ZNF383: variants seen among roughly 807,000 people sequenced by gnomAD.
ZNF383 encodes the protein zinc finger protein 383.
Under a neutral mutation model 44.2 loss-of-function variants are expected in ZNF383, and 32 were observed. That is an observed-to-expected ratio of 0.72 (90% CI 0.55 to 0.97). The LOEUF (loss-of-function observed/expected upper bound fraction) is 0.97. Among genes scored for constraint, ZNF383 ranks in the 50% least tolerant of loss-of-function variants. ZNF383 has a pLI of 0.00. For missense variants in ZNF383, 487 were observed against 562.5 expected (o/e 0.87, Z 1.36); for synonymous variants, 155 against 186.2 (o/e 0.83, Z 1.36).
chr19:37,240,492 G>C (rs1388889671), intron 5 of ZNF383, among the ~76,000 whole-genome samples: 1 of 152,186 alleles, frequency 6.6e-6, no homozygotes, highest in Non-Finnish European at 1.5e-5. Context: ...TTGGCAGTCA[G>C]CTCTCATCAA....
chr19:37,227,396 G>A (rs777619877), intron 2 of ZNF383, among the ~76,000 whole-genome samples: 2 of 152,202 alleles, frequency 1.3e-5, no homozygotes, highest in East Asian at 1.9e-4. Flanking sequence ...TTACAGGCAT[G>A]AGCCACCGCG....
intron 2 of ZNF383, among the ~76,000 whole-genome samples, chr19:37,228,988 T>G (rs1973317736): frequency 6.6e-6 from 1 of 152,128 alleles, no homozygotes; most frequent in South Asian, 2.1e-4. Context: ...AAAGACTCTA[T>G]CACAGTGTGG....
rs1157245477 is a variant in ZNF383 at position 37,243,249 on chromosome 19, A to G, written c.1013A>G (p.Tyr338Cys). 3 of 1,614,004 alleles carry G rather than the reference A, an allele frequency of 1.9e-6. No homozygotes were observed. Among genetic ancestry groups the G allele is most frequent in the Middle Eastern group, 1.6e-4 (1 of 6,084 alleles). The change falls in exon 6 of 6, where the codon TAT (tyrosine) becomes TGT (cysteine). Residue 338 changes from tyrosine to cysteine, a missense_variant. By Grantham distance (194) the Tyr-to-Cys change is radical. Coordinates refer to ENST00000684119, the MANE Select transcript of ZNF383 (RefSeq NM_001387601.1). ...HQRIHTGEKPYECKECGKAFS... is the reference protein window; with the variant it reads ...HQRIHTGEKPCECKECGKAFS... ...AGAATTCATACTGGTGAGAAACCCT[A>G]TGAGTGCAAGGAATGTGGCAAAGCC...
chr19:37,228,522 C>T (rs1471061392), intron 2 of ZNF383, among the ~76,000 whole-genome samples: 1 of 151,924 alleles, frequency 6.6e-6, no homozygotes, highest in African/African-American at 2.4e-5. Context: ...TCCCTTAACA[C>T]CTGGGTGGCT....
In ZNF383 at chr19:37,227,634, TCAC is replaced by T. The variant is rs139398209; in HGVS notation, c.-46+2698_-46+2700del. 376 of 152,756 alleles carry T rather than the reference TCAC, an allele frequency of 2.5e-3. 10 individuals carry two copies. The East Asian group carries it at 0.063, about 26-fold the overall frequency. The allele number at this position is 152,756 out of a possible 1,614,324, so 9.5% of individuals were successfully genotyped here. ...GACAGCTGGGCCTGAGGGACCACTA[TCAC>T]CAAGACACAGAGACCGGTATTGGCC... On this transcript the variant is annotated intron_variant, in intron 2 of 5. Transcript: ENST00000684119.
At chr19:37,231,111 A>G (rs943614818) in intron 3 of ZNF383, among the ~76,000 whole-genome samples, 1 of 152,234 alleles carries the variant, frequency 6.6e-6, no homozygotes, top group African/African-American at 2.4e-5. Flanking sequence ...GATGTTTACA[A>G]TGGTTCAGCC....
chr19:37,242,050 C>CTATATATACTATATATAG (rs1442377757), intron 5 of ZNF383, among the ~76,000 whole-genome samples: 4 of 718 alleles, frequency 5.6e-3, no homozygotes, highest in Middle Eastern at 0.25. Context: ...AGTATAGATA[C>CTATATATACTATATATAG]TATATATACT....
At chr19:37,220,892 G>A (rs141328191) in intron 1 of ZNF383, among the ~76,000 whole-genome samples, 22 of 152,146 alleles carry the variant, frequency 1.4e-4, no homozygotes, top group Non-Finnish European at 3.1e-4. Flanking sequence ...AAATTAAATT[G>A]TACTGTATGA....
At chr19:37,235,749 T>C (rs1370978452) in intron 4 of ZNF383, 74 bp downstream of exon 4, 1 of 1,489,570 alleles carries the variant, frequency 6.7e-7, no homozygotes, top group East Asian at 2.3e-5. Flanking sequence ...ATTTCTCAGC[T>C]GCTTTTCAGG....
Position 37,245,862 on chromosome 19 carries a change from T to C in ZNF383, c.*2198T>C, listed in dbSNP as rs1054884834. On this transcript the variant is annotated 3_prime_UTR_variant, in exon 6 of 6. Coordinates refer to ENST00000684119, the MANE Select transcript of ZNF383 (RefSeq NM_001387601.1). ...CCCAGGCTGGAGGGCAGTGGTGCAA[T>C]CTCGGCTCACTGCAACCTCTGCCTC... is the stretch of plus-strand genomic sequence containing the variant. The C allele has an allele frequency of 6.6e-6, 1 of 152,078 alleles. No individual in the cohort carries two copies. Among genetic ancestry groups the C allele is most frequent in the Admixed American group, 6.6e-5 (1 of 15,244 alleles). 9.4% of individuals were successfully genotyped at this position (152,078 alleles called of 1,614,324 possible).
chr19:37,225,876 G>A (rs1056562157), intron 2 of ZNF383, among the ~76,000 whole-genome samples: 21 of 149,190 alleles, frequency 1.4e-4, no homozygotes, highest in Admixed American at 3.4e-4. Flanking sequence ...TGCAACCTCC[G>A]CCTCCTGGGT....
rs35036376 is a variant in ZNF383, at chr19:37,236,954, A to AACACACACACACAC, written c.232+908_232+921dup. Reference sequence around the variant, plus strand: ...AATTGCGTCTGTATACACACATGTGAACACACACACACACACACACACACA... The same window carrying AACACACACACACAC: ...AATTGCGTCTGTATACACACATGTGAACACACACACACACACACACACACACACACACACACACA... On this transcript the variant is annotated intron_variant, in intron 5 of 5. Coordinates refer to ENST00000684119, the MANE Select transcript of ZNF383 (RefSeq NM_001387601.1). 8.9e-4 allele frequency among the ~76,000 whole-genome samples: 131 copies of AACACACACACACAC among 146,854 alleles called. 1 individual carries two copies. Among genetic ancestry groups the AACACACACACACAC allele is most frequent in the Non-Finnish European group, 1.2e-3 (81 of 66,628 alleles).
At chr19:37,225,775 T>A (rs1973130002) in intron 2 of ZNF383, among the ~76,000 whole-genome samples, 1 of 144,184 alleles carries the variant, frequency 6.9e-6, no homozygotes, top group Non-Finnish European at 1.5e-5. Context: ...TTACTTTTTA[T>A]TATCATTCAG....
intron 5 of ZNF383, among the ~76,000 whole-genome samples, chr19:37,240,668 A>T (rs549942343): frequency 3.9e-5 from 6 of 152,224 alleles, no homozygotes; most frequent in Non-Finnish European, 8.8e-5. Context: ...AAGGCAAACA[A>T]TATTTCCATT....
chr19:37,237,099 C>T (rs938080977), intron 5 of ZNF383, among the ~76,000 whole-genome samples: 1 of 151,972 alleles, frequency 6.6e-6, no homozygotes, highest in South Asian at 2.1e-4. Context: ...CTTTATGGAA[C>T]GTTTTTTAAT....
At chr19:37,227,193 C>T (rs978983945) in intron 2 of ZNF383, among the ~76,000 whole-genome samples, 2 of 150,290 alleles carry the variant, frequency 1.3e-5, no homozygotes, top group East Asian at 4.0e-4. Context: ...CGGCTCACCG[C>T]AACCTCCGCC....
At chr19:37,220,625 A>G (rs1972879021) in intron 1 of ZNF383, among the ~76,000 whole-genome samples, 1 of 150,890 alleles carries the variant, frequency 6.6e-6, no homozygotes, top group African/African-American at 2.5e-5. Context: ...TAAAATATAG[A>G]TGTATAGTTT....
In ZNF383 at chr19:37,244,741, A is replaced by G. The variant is rs909228802; in HGVS notation, c.*1077A>G. 6.6e-6 allele frequency: 1 copy of G among 152,224 alleles called. No homozygotes were observed. Among genetic ancestry groups the G allele is most frequent in the Non-Finnish European group, 1.5e-5 (1 of 68,046 alleles). 9.4% of individuals were successfully genotyped at this position (152,224 alleles called of 1,614,324 possible). A position where few individuals can be genotyped will look rare whatever the true frequency, so the allele number is the denominator to read the frequency against. Reference sequence around the variant, plus strand: ...CAAAATCACAAAGCAAAAAATTACAAACTAAAAAGCCAAAATTAATTGTAA... The same window carrying G: ...CAAAATCACAAAGCAAAAAATTACAGACTAAAAAGCCAAAATTAATTGTAA... On this transcript the variant is annotated 3_prime_UTR_variant, in exon 6 of 6. Transcript: ENST00000684119.
At chr19:37,241,368 A>T (rs1231730689) in intron 5 of ZNF383, among the ~76,000 whole-genome samples, 1 of 152,156 alleles carries the variant, frequency 6.6e-6, no homozygotes, top group African/African-American at 2.4e-5. Context: ...ACTCATAGAA[A>T]TCAGGAAAGC....
Sources: gnomAD v4.1 joint callset for allele counts (sites outside exome capture counted in the v4.1 genomes callset) on GRCh38, gnomAD v4.1.1 for gene constraint, MANE v1.5 for transcripts, NCBI Gene and HGNC (gene_info 2026-07-23, HGNC 2026-07-21) for gene names.